DNAJB14: variants seen among roughly 807,000 people sequenced by gnomAD.
DNAJB14 encodes DnaJ heat shock protein family (Hsp40) member B14.
DNAJB14 carries 22 observed loss-of-function variants against 48.4 expected under a neutral mutation model. The observed-to-expected ratio is 0.45, with a 90% CI of 0.32 to 0.65. The LOEUF (loss-of-function observed/expected upper bound fraction) is 0.65, where lower values mean the gene tolerates loss of function less well. DNAJB14 is among the 30% of genes least tolerant of loss of function. DNAJB14 has a pLI of 0.03. For synonymous variants in DNAJB14, 142 were observed against 158.7 expected (o/e 0.89, Z 0.79); for missense variants, 319 against 458.8 (o/e 0.70, Z 2.78).
At chr4:99,919,477 T>C (rs1725974091) in intron 3 of DNAJB14, among the ~76,000 whole-genome samples, 1 of 152,048 alleles carries the variant, frequency 6.6e-6, no homozygotes, top group Admixed American at 6.5e-5. Context: ...CCCAGCTACT[T>C]GGAAGGCTGA....
At chr4:99,943,206 T>C (rs1726942821) in intron 1 of DNAJB14, among the ~76,000 whole-genome samples, 1 of 152,188 alleles carries the variant, frequency 6.6e-6, no homozygotes, top group African/African-American at 2.4e-5. Flanking sequence ...AATTTGTCAC[T>C]GGTGAAAAAG....
rs1196993470 is a variant in DNAJB14, at chr4:99,900,809, A to G, written c.*219T>C. The G allele has an allele frequency of 7.9e-6, 3 of 379,820 alleles. No homozygotes were observed. The highest frequency in any genetic ancestry group is 1.4e-5 in the Non-Finnish European group (3 of 216,708). The allele number at this position is 379,820 out of a possible 1,614,324, so 23.5% of individuals were successfully genotyped here. On this transcript the variant is annotated 3_prime_UTR_variant, in exon 8 of 8. Transcript: ENST00000442697. ...GTTAGGAATCATGTAAGCTTTTAAA[A>G]TGAAAATACTTGTAGAAGCGTTAAC... is the stretch of plus-strand genomic sequence containing the variant.
rs891621491 is a variant in DNAJB14 at position 99,896,861 on chromosome 4, T to C, written c.*4167A>G. 2 of 152,168 alleles carry C rather than the reference T, an allele frequency of 1.3e-5. No individual in the cohort carries two copies. Among genetic ancestry groups the C allele is most frequent in the African/African-American group, 4.8e-5 (2 of 41,452 alleles). 9.4% of individuals were successfully genotyped at this position (152,168 alleles called of 1,614,324 possible). A position where few individuals can be genotyped will look rare whatever the true frequency, so the allele number is the denominator to read the frequency against. On this transcript the variant is annotated 3_prime_UTR_variant, in exon 8 of 8. Transcript: ENST00000442697. The stretch of plus-strand genomic sequence containing the variant: ...TTGCCATGCCAGGTGTCATCTGCTA[T>C]GCAGTTACAAGACATCTTGGCAACT...
intron 2 of DNAJB14, chr4:99,923,976 CAT>C: frequency 1.6e-6 from 1 of 614,420 alleles, no homozygotes; most frequent in Non-Finnish European, 2.0e-6. Flanking sequence ...AGATTATATA[CAT>C]ACAGTTTGTA....
rs551719208 is a variant in DNAJB14, at chr4:99,937,725, A to C, written c.134-7104T>G. Among the ~76,000 whole-genome samples the C allele has an allele frequency of 1.6e-4, 24 of 152,106 alleles. No homozygotes were observed. In the East Asian group the frequency reaches 4.3e-3, roughly 27 times the overall value. ...TGGGTGACAAAGTGAGACTCAAAAA[A>C]AGGAACACACGTCACTTCCATAGTA... is the stretch of plus-strand genomic sequence containing the variant. On this transcript the variant is annotated intron_variant, in intron 1 of 7. Transcript: ENST00000442697.
At chr4:99,939,886 T>G (rs549329515) in intron 1 of DNAJB14, among the ~76,000 whole-genome samples, 1 of 152,246 alleles carries the variant, frequency 6.6e-6, no homozygotes, top group Non-Finnish European at 1.5e-5. Context: ...ATGGGATCTC[T>G]TTTACAATAA....
In DNAJB14 at chr4:99,899,636, A is replaced by G. The variant is rs996953626; in HGVS notation, c.*1392T>C. ...CTTAAACAAAGAACAAAGCCACCCT[A>G]TCTAGCATTCTCTCACTCACAAAGA... On this transcript the variant is annotated 3_prime_UTR_variant, in exon 8 of 8. Coordinates refer to ENST00000442697, the MANE Select transcript of DNAJB14 (RefSeq NM_001031723.4). 4 of 152,342 alleles carry G rather than the reference A, an allele frequency of 2.6e-5. No homozygotes were observed. The highest frequency in any genetic ancestry group is 4.4e-5 in the Non-Finnish European group (3 of 67,818). The allele number at this position is 152,342 out of a possible 1,614,324, so 9.4% of individuals were successfully genotyped here. A position where few individuals can be genotyped will look rare whatever the true frequency, so the allele number is the denominator to read the frequency against.
intron 1 of DNAJB14, among the ~76,000 whole-genome samples, chr4:99,941,464 A>G (rs1292290122): frequency 6.6e-6 from 1 of 152,208 alleles, no homozygotes; most frequent in Non-Finnish European, 1.5e-5. Context: ...ACATGCTTAC[A>G]GCACTTAAGA....
chr4:99,899,092 T>C lies in DNAJB14; in HGVS notation c.*1936A>G, dbSNP rs1183950204. On this transcript the variant is annotated 3_prime_UTR_variant, in exon 8 of 8. Coordinates refer to ENST00000442697, the MANE Select transcript of DNAJB14 (RefSeq NM_001031723.4). Reference sequence around the variant, plus strand: ...AAAAGCCATGTATGACTTTATAATATATACTTTATGGTATCACTTAACTTT... The same window carrying C: ...AAAAGCCATGTATGACTTTATAATACATACTTTATGGTATCACTTAACTTT... The C allele has an allele frequency of 6.6e-6, 1 of 151,944 alleles. No homozygotes were observed. The highest frequency in any genetic ancestry group is 1.5e-5 in the Non-Finnish European group (1 of 67,836). The allele number at this position is 151,944 out of a possible 1,614,324, so 9.4% of individuals were successfully genotyped here.
chr4:99,945,341 G>A (rs1411146339), intron 1 of DNAJB14, among the ~76,000 whole-genome samples: 1 of 152,138 alleles, frequency 6.6e-6, no homozygotes, highest in African/African-American at 2.4e-5. Flanking sequence ...CAACGACGTA[G>A]AGAAAAAAAT....
chr4:99,921,632 A>G (rs1726064473), intron 3 of DNAJB14, among the ~76,000 whole-genome samples: 1 of 152,212 alleles, frequency 6.6e-6, no homozygotes, highest in Admixed American at 6.5e-5. Context: ...AACTCAAAAA[A>G]TTTTAAATTA....
At chr4:99,929,436 T>A (rs1235723641) in intron 2 of DNAJB14, 1 of 152,142 alleles carries the variant, frequency 6.6e-6, no homozygotes, top group Non-Finnish European at 1.5e-5. Flanking sequence ...AAATAAAATG[T>A]TACAATCAAG....
chr4:99,908,862 TG>T lies in DNAJB14; in HGVS notation c.485del (p.Pro162GlnfsTer35). On this transcript the variant is annotated frameshift_variant, in exon 4 of 8. Coordinates refer to ENST00000442697, the MANE Select transcript of DNAJB14 (RefSeq NM_001031723.4). LOFTEE classifies it high-confidence loss of function. Reference protein sequence around the residue: ...IGNAYAVLSNPEKRKQYDLTG... With the variant: ...IGNAYAVLSNXEKRKQYDLTG... ...TGAGGTCATACTGTTTTCGCTTTTC[TG>T]GATTACTTAAAACAGCATAAGCATT... 1 of 1,596,040 alleles carries T rather than the reference TG, an allele frequency of 6.3e-7. No individual in the cohort carries two copies. The highest frequency in any genetic ancestry group is 1.1e-5 in the South Asian group (1 of 87,336).
At chr4:99,931,955 C>T (rs1269156795) in intron 1 of DNAJB14, among the ~76,000 whole-genome samples, 1 of 151,970 alleles carries the variant, frequency 6.6e-6, no homozygotes, top group East Asian at 1.9e-4. Flanking sequence ...ACTTGTGGGT[C>T]AACAACTAGC....
rs535317313 is a variant in DNAJB14 at position 99,900,819 on chromosome 4, T to C, written c.*209A>G. The C allele has an allele frequency of 1.9e-4, 74 of 397,476 alleles. No individual in the cohort carries two copies. The highest frequency in any genetic ancestry group is 3.1e-4 in the Non-Finnish European group (71 of 228,714). 24.6% of individuals were successfully genotyped at this position (397,476 alleles called of 1,614,324 possible). On this transcript the variant is annotated 3_prime_UTR_variant, in exon 8 of 8. Coordinates refer to ENST00000442697, the MANE Select transcript of DNAJB14 (RefSeq NM_001031723.4). ...ATGTAAGCTTTTAAAATGAAAATAC[T>C]TGTAGAAGCGTTAACTAAAATATTC...
intron 3 of DNAJB14, among the ~76,000 whole-genome samples, chr4:99,919,059 G>A (rs1036846465): frequency 6.6e-6 from 1 of 152,164 alleles, no homozygotes; most frequent in Admixed American, 6.5e-5. Flanking sequence ...AGAGGGGGTG[G>A]TAGTATAGGC....
intron 4 of DNAJB14, 36 bp from the exon 5 acceptor site, chr4:99,906,647 C>G (rs1725479567): frequency 6.8e-7 from 1 of 1,472,096 alleles, no homozygotes; most frequent in Non-Finnish European, 9.3e-7. Flanking sequence ...TTAGGGAGAG[C>G]AATTATGATC....
chr4:99,896,525 CA>C lies in DNAJB14; in HGVS notation c.*4502del, dbSNP rs1400968642. ...TACAAGGCTTCCATTATAATTCCAT[CA>C]AACCTTAAAAATTACCTGCAGCTTT... On this transcript the variant is annotated 3_prime_UTR_variant, in exon 8 of 8. Transcript: ENST00000442697. 1 of 152,110 alleles carries C rather than the reference CA, an allele frequency of 6.6e-6. No homozygotes were observed. Among genetic ancestry groups the C allele is most frequent in the Non-Finnish European group, 1.5e-5 (1 of 68,002 alleles). The allele number at this position is 152,110 out of a possible 1,614,324, so 9.4% of individuals were successfully genotyped here.
At chr4:99,922,474 G>C (rs1452035948) in intron 3 of DNAJB14, 1 of 151,384 alleles carries the variant, frequency 6.6e-6, no homozygotes, top group East Asian at 1.9e-4. Context: ...TATTAAATTG[G>C]CAAAAAATTT....
Sources: gnomAD v4.1 joint callset for allele counts (sites outside exome capture counted in the v4.1 genomes callset) on GRCh38, gnomAD v4.1.1 for gene constraint, MANE v1.5 for transcripts, NCBI Gene and HGNC (gene_info 2026-07-23, HGNC 2026-07-21) for gene names.